The following DIP2B variants were observed in gnomAD, a reference collection of about 807,000 sequenced individuals.
The protein encoded by DIP2B is disco-interacting protein 2 homolog B.
Under a neutral mutation model 198.0 loss-of-function variants are expected in DIP2B, and 76 were observed. The observed-to-expected ratio is 0.38, with a 90% CI of 0.32 to 0.46. DIP2B has a LOEUF of 0.46. Among genes scored for constraint, DIP2B ranks in the 20% least tolerant of loss-of-function variants. The pLI, the probability that DIP2B is intolerant of heterozygous loss-of-function variation, is 0.99. For synonymous variants in DIP2B, 701 were observed against 739.1 expected (o/e 0.95, Z 0.84); for missense variants, 1,559 against 1,978.4 (o/e 0.79, Z 4.02).
intron 1 of DIP2B, among the ~76,000 whole-genome samples, chr12:50,549,330 A>G (rs987332131): frequency 6.6e-6 from 1 of 152,012 alleles, no homozygotes; most frequent in African/African-American, 2.4e-5. Flanking sequence ...AGAGATTGAG[A>G]CCATCCTGAC....
At chr12:50,594,029 C>T in intron 1 of DIP2B, among the ~76,000 whole-genome samples, 1 of 149,234 alleles carries the variant, frequency 6.7e-6, no homozygotes, top group African/African-American at 2.5e-5. Context: ...CAACCTCCGC[C>T]TCCCAGGTTC....
intron 20 of DIP2B, 141 bp from the exon 21 acceptor site, chr12:50,706,397 G>A: frequency 1.0e-6 from 1 of 987,394 alleles, no homozygotes; most frequent in Non-Finnish European, 1.5e-6. Context: ...GATGTGAAAT[G>A]CTTTCTCTAG....
intron 1 of DIP2B, among the ~76,000 whole-genome samples, chr12:50,527,546 C>T (rs932810977): frequency 1.3e-5 from 2 of 152,224 alleles, no homozygotes; most frequent in South Asian, 2.1e-4. Flanking sequence ...GAGGCCGAGG[C>T]GGGAGGATTG....
intron 37 of DIP2B, among the ~76,000 whole-genome samples, chr12:50,743,156 C>G (rs1417894949): frequency 6.6e-6 from 1 of 152,086 alleles, no homozygotes; most frequent in Non-Finnish European, 1.5e-5. Context: ...GATCCCGGCT[C>G]ACTGCAACCT....
chr12:50,734,319 G>C, intron 33 of DIP2B, 123 bp downstream of exon 33: 1 of 963,086 alleles, frequency 1.0e-6, no homozygotes, highest in Non-Finnish European at 1.6e-6. Context: ...AATGGGAAGA[G>C]GGAAGGAATT....
intron 34 of DIP2B, 112 bp downstream of exon 34, chr12:50,735,242 A>C: frequency 8.4e-7 from 1 of 1,193,734 alleles, no homozygotes; most frequent in African/African-American, 1.5e-5. Flanking sequence ...CTTAATTGAA[A>C]TCTGGAGATA....
intron 30 of DIP2B, among the ~76,000 whole-genome samples, chr12:50,731,140 G>A (rs1447287044): frequency 3.3e-5 from 5 of 152,188 alleles, no homozygotes; most frequent in African/African-American, 7.2e-5. Context: ...CTTGAGGGCA[G>A]CTGTAAGAAT....
At chr12:50,513,931 GC>G (rs1273276136) in intron 1 of DIP2B, among the ~76,000 whole-genome samples, 3 of 151,466 alleles carry the variant, frequency 2.0e-5, no homozygotes, top group Non-Finnish European at 4.4e-5. Context: ...TTTACCACCA[GC>G]CTCCGTGAGT....
chr12:50,612,868 C>T (rs1032640176), intron 1 of DIP2B, among the ~76,000 whole-genome samples: 8 of 152,148 alleles, frequency 5.3e-5, no homozygotes, highest in African/African-American at 1.9e-4. Flanking sequence ...TCCTTCCATC[C>T]TCTTTTCCTG....
chr12:50,621,769 A>G (rs2139463868), intron 1 of DIP2B, among the ~76,000 whole-genome samples: 1 of 152,238 alleles, frequency 6.6e-6, no homozygotes, highest in Admixed American at 6.5e-5. Flanking sequence ...GAAAACGGGG[A>G]GGGGGAGCAT....
chr12:50,686,238 T>C (rs1353394361), intron 11 of DIP2B, among the ~76,000 whole-genome samples: 1 of 152,102 alleles, frequency 6.6e-6, no homozygotes, highest in Non-Finnish European at 1.5e-5. Context: ...TTTATGCCGA[T>C]GGTTGGAAAA....
intron 27 of DIP2B, among the ~76,000 whole-genome samples, chr12:50,724,130 T>A (rs1939888963): frequency 6.6e-6 from 1 of 152,220 alleles, no homozygotes; most frequent in African/African-American, 2.4e-5. Flanking sequence ...ATAAAAGCCA[T>A]GATCACCATA....
intron 3 of DIP2B, among the ~76,000 whole-genome samples, chr12:50,643,122 T>C (rs1938288211): frequency 6.6e-6 from 1 of 151,604 alleles, no homozygotes; most frequent in Non-Finnish European, 1.5e-5. Context: ...TTATTAAGGA[T>C]CCAAAAAGGT....
At chr12:50,665,775 GAA>G (rs202230326) in intron 4 of DIP2B, among the ~76,000 whole-genome samples, 4 of 107,206 alleles carry the variant, frequency 3.7e-5, no homozygotes, top group Admixed American at 9.2e-5. Context: ...AACCTCAACT[GAA>G]AAAAAAAAAA....
chr12:50,520,051 T>C (rs1265722838), intron 1 of DIP2B, among the ~76,000 whole-genome samples: 13 of 148,390 alleles, frequency 8.8e-5, no homozygotes, highest in Non-Finnish European at 1.9e-4. Flanking sequence ...TTTTTTTTTT[T>C]TTTTTGAGAC....
At chr12:50,680,277 A>AAAAAG (rs1394981269) in intron 8 of DIP2B, 1 of 153,540 alleles carries the variant, frequency 6.5e-6, no homozygotes, top group Non-Finnish European at 1.4e-5. Flanking sequence ...AAAAAAAAAA[A>AAAAAG]AAAAACTTAG....
At chr12:50,521,923 A>AT (rs1958123772) in intron 1 of DIP2B, among the ~76,000 whole-genome samples, 1 of 151,494 alleles carries the variant, frequency 6.6e-6, no homozygotes, top group Non-Finnish European at 1.5e-5. Flanking sequence ...GATTACAGGC[A>AT]TGAGCCACCA....
intron 3 of DIP2B, among the ~76,000 whole-genome samples, chr12:50,641,142 A>AGGCT (rs1243269252): frequency 6.6e-6 from 1 of 152,158 alleles, no homozygotes; most frequent in Non-Finnish European, 1.5e-5. Context: ...AGATCACTTG[A>AGGCT]GGTCAGGAGT....
chr12:50,631,999 T>G (rs1172566197), intron 2 of DIP2B, among the ~76,000 whole-genome samples: 1 of 151,974 alleles, frequency 6.6e-6, no homozygotes, highest in Non-Finnish European at 1.5e-5. Context: ...ACTTTTTTTT[T>G]TTTTTTCCTA....
Sources: gnomAD v4.1 joint callset for allele counts (sites outside exome capture counted in the v4.1 genomes callset) on GRCh38, gnomAD v4.1.1 for gene constraint, MANE v1.5 for transcripts, NCBI Gene and HGNC (gene_info 2026-07-23, HGNC 2026-07-21) for gene names.